The following KAT6B variants were observed in gnomAD, a reference collection of about 807,000 sequenced individuals.
KAT6B encodes the protein lysine acetyltransferase 6B.
Under a neutral mutation model 187.5 loss-of-function variants are expected in KAT6B, and 10 were observed. The ratio of observed to expected loss-of-function variants is 0.05; its 90% confidence interval spans 0.03 to 0.09. The LOEUF (loss-of-function observed/expected upper bound fraction) is 0.09, where lower values mean the gene tolerates loss of function less well. Among genes scored for constraint, KAT6B ranks in the 10% least tolerant of loss-of-function variants. The pLI, the probability that KAT6B is intolerant of heterozygous loss-of-function variation, is 1.00. For missense variants in KAT6B, 1,952 were observed against 2,558.9 expected (o/e 0.76, Z 5.12); for synonymous variants, 861 against 926.8 (o/e 0.93, Z 1.29).
chr10:74,898,024 C>T (rs1846106924), intron 3 of KAT6B, among the ~76,000 whole-genome samples: 1 of 152,030 alleles, frequency 6.6e-6, no homozygotes, highest in African/African-American at 2.4e-5. Context: ...ACACCATAGG[C>T]CCTTATATGT....
intron 17 of KAT6B, among the ~76,000 whole-genome samples, chr10:75,028,133 C>A (rs1227797115): frequency 6.6e-6 from 1 of 152,020 alleles, no homozygotes; most frequent in Non-Finnish European, 1.5e-5. Context: ...AGCATTAATT[C>A]CTTTCCCCTA....
intron 3 of KAT6B, among the ~76,000 whole-genome samples, chr10:74,950,599 G>A (rs1400179560): frequency 6.6e-6 from 1 of 152,256 alleles, no homozygotes; most frequent in Admixed American, 6.5e-5. Context: ...GATCTGTTCC[G>A]ACAGACATCA....
chr10:74,852,440 T>G (rs1343027692), intron 3 of KAT6B, among the ~76,000 whole-genome samples: 5 of 152,198 alleles, frequency 3.3e-5, no homozygotes, highest in Admixed American at 6.5e-5. Context: ...AAATTGCAGT[T>G]CATGTTCTTC....
chr10:74,842,345 G>A (rs917748550), intron 2 of KAT6B, among the ~76,000 whole-genome samples: 1 of 152,058 alleles, frequency 6.6e-6, no homozygotes, highest in Non-Finnish European at 1.5e-5. Context: ...ATAATTAAAT[G>A]TATAATTTAG....
chr10:75,021,884 G>C lies in KAT6B; in HGVS notation c.3025G>C (p.Glu1009Gln). The change falls in exon 16 of 18, where the codon GAG (glutamate) becomes CAG (glutamine). Residue 1009 changes from glutamate to glutamine, a missense_variant. By Grantham distance (29) the Glu-to-Gln change is conservative. This residue lies in a region of KAT6B where 758 missense variants were observed against 891.4 expected (regional missense o/e 0.85). Coordinates refer to ENST00000287239, the MANE Select transcript of KAT6B (RefSeq NM_012330.4). ...CATTTTTACCCTCCCCACTTAGGCT[G>C]AGCGGCTAATGGAACAAGCTAGCTG... is the stretch of plus-strand genomic sequence containing the variant. ...EEEREAEKEA[E>Q]RLMEQASCWE... The C allele has an allele frequency of 6.8e-6, 11 of 1,614,144 alleles. No homozygotes were observed. Among genetic ancestry groups the C allele is most frequent in the Non-Finnish European group, 9.3e-6 (11 of 1,180,020 alleles).
chr10:74,978,253 A>T (rs1842291105), intron 9 of KAT6B, among the ~76,000 whole-genome samples: 1 of 152,218 alleles, frequency 6.6e-6, no homozygotes, highest in Admixed American at 6.5e-5. Context: ...CCGATCTATC[A>T]GGATGCCTTG....
chr10:74,871,185 C>CTTTT (rs746074814), intron 3 of KAT6B, among the ~76,000 whole-genome samples: 54 of 76,736 alleles, frequency 7.0e-4, no homozygotes, highest in African/African-American at 9.1e-4. Flanking sequence ...CAAGCCTGGC[C>CTTTT]TTTTTTTTTT....
chr10:74,843,805 A>G (rs949108838), intron 3 of KAT6B, among the ~76,000 whole-genome samples: 19 of 152,208 alleles, frequency 1.2e-4, no homozygotes, highest in African/African-American at 4.6e-4. Context: ...TCAGAAATCT[A>G]CGAAAAGGCC....
chr10:74,997,566 A>G (rs1268301776), intron 13 of KAT6B, among the ~76,000 whole-genome samples: 2 of 152,194 alleles, frequency 1.3e-5, no homozygotes, highest in Admixed American at 6.5e-5. Context: ...TCTCTTAGGT[A>G]TAATGGCTAA....
In KAT6B at chr10:74,826,785, G is replaced by A. The variant is rs996973507; in HGVS notation, c.-329G>A. On this transcript the variant is annotated splice_region_variant and 5_prime_UTR_variant, in exon 1 of 18. Coordinates refer to ENST00000287239, the MANE Select transcript of KAT6B (RefSeq NM_012330.4). ...GCGCGGTGGCGGTGGCGCGCAGCCA[G>A]GTCTGTCACCCACCCCGCGCGTTCC... The A allele has an allele frequency of 6.6e-6, 1 of 151,832 alleles. No homozygotes were observed. The highest frequency in any genetic ancestry group is 1.5e-5 in the Non-Finnish European group (1 of 67,806). The allele number at this position is 151,832 out of a possible 1,614,324, so 9.4% of individuals were successfully genotyped here. A position where few individuals can be genotyped will look rare whatever the true frequency, so the allele number is the denominator to read the frequency against.
At chr10:74,900,314 C>T (rs908461631) in intron 3 of KAT6B, among the ~76,000 whole-genome samples, 1 of 152,182 alleles carries the variant, frequency 6.6e-6, no homozygotes, top group African/African-American at 2.4e-5. Context: ...TAGCTAGAGA[C>T]ACCTAATGTT....
intron 13 of KAT6B, among the ~76,000 whole-genome samples, chr10:74,997,901 CAGG>C (rs1227443182): frequency 6.6e-6 from 1 of 151,988 alleles, no homozygotes; most frequent in African/African-American, 2.4e-5. Flanking sequence ...CACCTGAGGT[CAGG>C]AGTTCGAGAC....
intron 9 of KAT6B, among the ~76,000 whole-genome samples, chr10:74,977,948 T>G (rs956460003): frequency 6.6e-6 from 1 of 152,252 alleles, no homozygotes; most frequent in African/African-American, 2.4e-5. Flanking sequence ...CTTTAAGTGA[T>G]TCCACTTTAA....
intron 3 of KAT6B, among the ~76,000 whole-genome samples, chr10:74,941,097 A>G (rs1452795514): frequency 1.3e-5 from 2 of 152,204 alleles, no homozygotes; most frequent in Admixed American, 1.3e-4. Context: ...CACCTGGTTA[A>G]AAAGCACTGT....
intron 7 of KAT6B, among the ~76,000 whole-genome samples, chr10:74,974,478 TTCTC>T (rs1842034997): frequency 6.6e-6 from 1 of 152,336 alleles, no homozygotes; most frequent in Admixed American, 6.5e-5. Flanking sequence ...CTGCAAATGT[TTCTC>T]TATTGTATAA....
intron 3 of KAT6B, among the ~76,000 whole-genome samples, chr10:74,880,955 ACT>A (rs1298807359): frequency 7.6e-6 from 1 of 132,400 alleles, no homozygotes; most frequent in African/African-American, 3.0e-5. Flanking sequence ...ACGGACTCTC[ACT>A]CTGTCTTCCA....
intron 1 of KAT6B, among the ~76,000 whole-genome samples, chr10:74,838,437 T>C (rs919817450): frequency 2.0e-5 from 3 of 152,210 alleles, no homozygotes; most frequent in South Asian, 2.1e-4. Flanking sequence ...TTTGAACAGG[T>C]CTGGGCTTAG....
intron 1 of KAT6B, among the ~76,000 whole-genome samples, chr10:74,834,928 T>C (rs141103161): frequency 1.0e-3 from 154 of 152,368 alleles, no homozygotes; most frequent in African/African-American, 3.1e-3. Context: ...TATTTCACTT[T>C]GATTTCCTTC....
chr10:74,966,272 G>A (rs765447975), intron 4 of KAT6B, among the ~76,000 whole-genome samples: 10 of 152,264 alleles, frequency 6.6e-5, no homozygotes, highest in Admixed American at 1.3e-4. Context: ...TGCTTTTAAG[G>A]ATTAATGTGA....
Sources: allele counts gnomAD v4.1 joint callset (sites outside exome capture counted in the v4.1 genomes callset), GRCh38; gene constraint gnomAD v4.1.1; regional missense constraint gnomAD v4.1.1; transcripts MANE v1.5; gene names NCBI Gene and HGNC (gene_info 2026-07-23, HGNC 2026-07-21).